Variants in MYRIP observed in about 807,000 individuals in gnomAD.
The protein encoded by MYRIP is myosin VIIA and Rab interacting protein, also known as rab effector MyRIP.
MYRIP carries 49 observed loss-of-function variants against 98.0 expected under a neutral mutation model. The ratio of observed to expected loss-of-function variants is 0.50; its 90% CI spans 0.40 to 0.63. The LOEUF (loss-of-function observed/expected upper bound fraction) is 0.63, where lower values mean the gene tolerates loss of function less well. Among genes scored for constraint, MYRIP ranks in the 30% least tolerant of loss-of-function variants. The pLI is 0.00. For missense variants in MYRIP, 1,004 were observed against 1,058.2 expected, an observed-to-expected ratio of 0.95 and a Z score of 0.71; for synonymous variants, 404 against 409.5, an observed-to-expected ratio of 0.99 and a Z score of 0.16.
chr3:40,176,638 G>A (rs538439625), intron 8 of MYRIP, among the ~76,000 whole-genome samples: 7 of 152,022 alleles, frequency 4.6e-5, no homozygotes, highest in African/African-American at 1.7e-4. Flanking sequence ...AGGTGCCCAG[G>A]TGCTCACGCC....
intron 2 of MYRIP, among the ~76,000 whole-genome samples, chr3:39,996,515 G>A (rs1299929206): frequency 6.6e-6 from 1 of 152,168 alleles, no homozygotes; most frequent in Non-Finnish European, 1.5e-5. Context: ...CAATACAGGA[G>A]CACCCAGATT....
intron 13 of MYRIP, among the ~76,000 whole-genome samples, chr3:40,249,234 C>A (rs1953296295): frequency 6.6e-6 from 1 of 152,204 alleles, no homozygotes; most frequent in South Asian, 2.1e-4. Context: ...TCCCTAACAA[C>A]ACTCAGAATG....
Position 40,151,191 on chromosome 3 carries a change from T to C in MYRIP, c.469+7T>C. ...GCGTGCTTCGACATTCTAGGTACTC[T>C]CACTTCCTGCCGCTCTGGGAGTCTT... On this transcript the variant is annotated splice_region_variant and intron_variant, in intron 4 of 16. Transcript: ENST00000302541. 1 of 1,593,232 alleles carries C rather than the reference T, an allele frequency of 6.3e-7. No individual in the cohort carries two copies. Among genetic ancestry groups the C allele is most frequent in the Non-Finnish European group, 8.6e-7 (1 of 1,167,454 alleles).
chr3:39,994,326 G>A (rs1479277856), intron 2 of MYRIP, among the ~76,000 whole-genome samples: 3 of 152,244 alleles, frequency 2.0e-5, no homozygotes, highest in Admixed American at 6.5e-5. Flanking sequence ...TGGAAAATCA[G>A]GTCACTCCCA....
intron 3 of MYRIP, among the ~76,000 whole-genome samples, chr3:40,047,105 C>A (rs757586016): frequency 1.3e-5 from 2 of 152,198 alleles, no homozygotes; most frequent in Non-Finnish European, 2.9e-5. Flanking sequence ...CCTTGCCTCG[C>A]AAAAGCAAGA....
At chr3:39,877,000 T>A (rs962672366) in intron 1 of MYRIP, among the ~76,000 whole-genome samples, 11 of 152,230 alleles carry the variant, frequency 7.2e-5, no homozygotes, top group Non-Finnish European at 1.5e-4. Context: ...AGATTTGGTC[T>A]TTTCACATAG....
chr3:39,912,798 G>A (rs1944053642), intron 2 of MYRIP, among the ~76,000 whole-genome samples: 1 of 152,228 alleles, frequency 6.6e-6, no homozygotes. Context: ...CCAGCACTTT[G>A]AGAGGCTGAG....
chr3:40,147,268 C>T (rs762051539), intron 3 of MYRIP, among the ~76,000 whole-genome samples: 1 of 152,074 alleles, frequency 6.6e-6, no homozygotes, highest in Non-Finnish European at 1.5e-5. Context: ...GGTATATATA[C>T]CTTACACAGT....
At chr3:40,254,490 G>T (rs1161804533) in intron 16 of MYRIP, among the ~76,000 whole-genome samples, 2 of 150,276 alleles carry the variant, frequency 1.3e-5, no homozygotes, top group Non-Finnish European at 3.0e-5. Context: ...GGGGGGGGTG[G>T]GGGCGGGGTG....
In MYRIP at chr3:39,882,868, C is replaced by T. The variant is rs368418716; in HGVS notation, c.-30-17919C>T. Reference sequence around the variant, plus strand: ...CTCCCCACTGCACCTGCCCCCCCTCCGCATTAATATAGCAGAAGAGTATAT... The same window carrying T: ...CTCCCCACTGCACCTGCCCCCCCTCTGCATTAATATAGCAGAAGAGTATAT... On this transcript the variant is annotated intron_variant, in intron 1 of 16. Transcript: ENST00000302541. 2.3e-3 allele frequency among the ~76,000 whole-genome samples: 348 copies of T among 152,098 alleles called. 9 individuals carry two copies. In the South Asian group the frequency reaches 0.069, roughly 30 times the overall value.
At chr3:39,855,649 C>T (rs1197280479) in intron 1 of MYRIP, among the ~76,000 whole-genome samples, 4 of 152,110 alleles carry the variant, frequency 2.6e-5, no homozygotes, top group African/African-American at 9.7e-5. Flanking sequence ...AGGCTTCACC[C>T]AGCTCCTACA....
chr3:39,830,572 G>A (rs1941410917), intron 1 of MYRIP, among the ~76,000 whole-genome samples: 1 of 152,096 alleles, frequency 6.6e-6, no homozygotes, highest in African/African-American at 2.4e-5. Context: ...CTGCTCACCT[G>A]CCATATCTGC....
At chr3:39,878,194 C>T (rs368771754) in intron 1 of MYRIP, among the ~76,000 whole-genome samples, 62 of 152,300 alleles carry the variant, frequency 4.1e-4, no homozygotes, top group Middle Eastern at 6.8e-3. Flanking sequence ...TTAGGCCTGT[C>T]GGAGAAGCGC....
intron 2 of MYRIP, among the ~76,000 whole-genome samples, chr3:39,923,555 A>G (rs1944350724): frequency 6.6e-6 from 1 of 152,092 alleles, no homozygotes; most frequent in Non-Finnish European, 1.5e-5. Flanking sequence ...AGAATCCTAT[A>G]TTTTGTGAAA....
intron 4 of MYRIP, among the ~76,000 whole-genome samples, chr3:40,159,570 G>T (rs1245542701): frequency 1.3e-5 from 2 of 151,524 alleles, no homozygotes; most frequent in Non-Finnish European, 2.9e-5. Context: ...AGTTCTCCTG[G>T]ATAATATCCT....
At chr3:40,136,796 C>A (rs1263922003) in intron 3 of MYRIP, among the ~76,000 whole-genome samples, 4 of 152,100 alleles carry the variant, frequency 2.6e-5, no homozygotes, top group South Asian at 4.1e-4. Flanking sequence ...GGGTACATAA[C>A]GAAATGAAGG....
chr3:40,202,802 C>A (rs902103076), intron 10 of MYRIP, among the ~76,000 whole-genome samples: 1 of 152,138 alleles, frequency 6.6e-6, no homozygotes, highest in Non-Finnish European at 1.5e-5. Context: ...ATCCCGTGCA[C>A]AGTGCCCTGT....
intron 2 of MYRIP, among the ~76,000 whole-genome samples, chr3:39,934,968 G>A (rs6762066): frequency 0.21 from 31,560 of 151,976 alleles, 5,029 homozygotes; most frequent in African/African-American, 0.45. Context: ...CCTGGTGACA[G>A]CTTGTTTCAT....
intron 1 of MYRIP, among the ~76,000 whole-genome samples, chr3:39,838,277 G>A (rs1435229332): frequency 6.6e-6 from 1 of 152,180 alleles, no homozygotes; most frequent in Non-Finnish European, 1.5e-5. Flanking sequence ...GGGCATCCTT[G>A]TCTTGTGCCG....
Sources: gnomAD v4.1 joint callset for allele counts (sites outside exome capture counted in the v4.1 genomes callset) on GRCh38, gnomAD v4.1.1 for gene constraint, MANE v1.5 for transcripts, NCBI Gene and HGNC (gene_info 2026-07-23, HGNC 2026-07-21) for gene names.